OR56A3: variants seen among roughly 807,000 people sequenced by gnomAD.
OR56A3 encodes olfactory receptor family 56 subfamily A member 3.
In OR56A3, 23 loss-of-function variants were observed where a neutral mutation model predicts 17.5. The ratio of observed to expected loss-of-function variants is 1.32; its 90% CI spans 0.95 to 1.87. The LOEUF (loss-of-function observed/expected upper bound fraction) is 1.87, where lower values mean the gene tolerates loss of function less well. Among genes scored for constraint, OR56A3 ranks in the 40% most tolerant of loss-of-function variants. The pLI is 0.00. For synonymous variants in OR56A3, 175 were observed against 150.6 expected (o/e 1.16, Z -1.19); for missense variants, 366 against 380.1 (o/e 0.96, Z 0.31).
downstream of OR56A3, among the ~76,000 whole-genome samples, chr11:5,955,624 C>T (rs1472893128): frequency 6.6e-6 from 1 of 152,138 alleles, no homozygotes; most frequent in African/African-American, 2.4e-5. Context: ...CATTGGCATG[C>T]TTCTGGGGGG....
the OR56A3 span, among the ~76,000 whole-genome samples, chr11:6,014,336 G>C: frequency 6.6e-6 from 1 of 152,192 alleles, no homozygotes; most frequent in African/African-American, 2.4e-5. Context: ...TGACTCACGG[G>C]GGTGCTTTCC....
At chr11:5,992,781 G>C in the OR56A3 span, among the ~76,000 whole-genome samples, 3 of 152,096 alleles carry the variant, frequency 2.0e-5, no homozygotes, top group Non-Finnish European at 4.4e-5. Flanking sequence ...CTGTTACCCA[G>C]TAACAAGCTT....
the OR56A3 span, among the ~76,000 whole-genome samples, chr11:5,963,442 G>A: frequency 1.5e-4 from 23 of 151,894 alleles, no homozygotes; most frequent in Admixed American, 1.3e-3. Context: ...GCTTTGCTAG[G>A]TATAGTATTC....
In OR56A3 at chr11:5,947,553, C is replaced by T. The variant is rs1443049971; in HGVS notation, c.207C>T (p.Leu69=). Residue 69 remains leucine, a synonymous_variant, in exon 3 of 3, where the codon CTC becomes CTT. Coordinates refer to ENST00000641160, the MANE Select transcript of OR56A3 (RefSeq NM_001003443.3). ...LHQPLYYLLS[L]LSLLDIVLCL... ...AGCCCCTGTACTACCTGCTCAGCCT[C>T]CTCTCCCTGCTGGACATCGTGCTCT... 5 of 1,614,176 alleles carry T rather than the reference C, an allele frequency of 3.1e-6. No individual in the cohort carries two copies. Among genetic ancestry groups the T allele is most frequent in the Non-Finnish European group, 4.2e-6 (5 of 1,180,038 alleles).
rs762871215 is a variant in OR56A3 at position 5,948,069 on chromosome 11, C to T, written c.723C>T (p.Ala241=). The T allele has an allele frequency of 2.5e-6, 4 of 1,614,190 alleles. No homozygotes were observed. The highest frequency in any genetic ancestry group is 1.6e-4 in the Middle Eastern group (1 of 6,062). ...AGGCAGAGGGTGCCGTGGCAAAGGC[C>T]CTAAGCACATGTGGCTCCCACTTCA... ...RLKAEGAVAK[A]LSTCGSHFML... Residue 241 remains alanine (A), a synonymous_variant, in exon 3 of 3, where the codon GCC becomes GCT. Coordinates refer to ENST00000641160, the MANE Select transcript of OR56A3 (RefSeq NM_001003443.3).
chr11:6,016,335 T>C, the OR56A3 span, among the ~76,000 whole-genome samples: 3 of 152,168 alleles, frequency 2.0e-5, no homozygotes, highest in African/African-American at 7.2e-5. Flanking sequence ...AATGTCTTTT[T>C]TAAATAAATT....
the OR56A3 span, chr11:5,968,426 G>A: frequency 1.3e-6 from 2 of 1,598,892 alleles, no homozygotes; most frequent in East Asian, 4.5e-5. Context: ...GCCAGCTCTG[G>A]AAACTGGGGA....
downstream of OR56A3, among the ~76,000 whole-genome samples, chr11:5,953,040 T>C (rs1378149798): frequency 6.6e-6 from 1 of 152,228 alleles, no homozygotes; most frequent in Non-Finnish European, 1.5e-5. Context: ...ACATTGTCTT[T>C]ATCCAGTCCA....
chr11:6,017,812 C>A, the OR56A3 span, among the ~76,000 whole-genome samples: 1 of 152,108 alleles, frequency 6.6e-6, no homozygotes, highest in Non-Finnish European at 1.5e-5. Context: ...GGGCTTCCTA[C>A]AAGAAACTCA....
At chr11:5,974,201 G>A in the OR56A3 span, among the ~76,000 whole-genome samples, 1 of 151,742 alleles carries the variant, frequency 6.6e-6, no homozygotes, top group South Asian at 2.1e-4. Flanking sequence ...CCACCTCCTG[G>A]TTTCAAGCAA....
At chr11:5,967,950 C>T in the OR56A3 span, 3,174 of 1,594,936 alleles carry the variant, frequency 2.0e-3, 28 homozygotes, top group Non-Finnish European at 1.1e-3. Context: ...CACGTTAGTA[C>T]AGATGCAGTT....
chr11:5,987,263 T>C, the OR56A3 span, among the ~76,000 whole-genome samples: 1 of 152,210 alleles, frequency 6.6e-6, no homozygotes, highest in Non-Finnish European at 1.5e-5. Context: ...AATCAATCTG[T>C]TGTTTTTGAA....
the OR56A3 span, among the ~76,000 whole-genome samples, chr11:6,011,931 C>T: frequency 3.0e-4 from 45 of 152,150 alleles, no homozygotes; most frequent in Non-Finnish European, 6.3e-4. Flanking sequence ...GCAGCTTCCC[C>T]GGCTGGCACC....
chr11:5,970,045 A>G, the OR56A3 span, among the ~76,000 whole-genome samples: 1 of 152,352 alleles, frequency 6.6e-6, no homozygotes, highest in Non-Finnish European at 1.5e-5. Flanking sequence ...AAAAGATTTG[A>G]TATATGTTGT....
chr11:6,013,619 C>A, the OR56A3 span, among the ~76,000 whole-genome samples: 50 of 152,292 alleles, frequency 3.3e-4, no homozygotes, highest in Non-Finnish European at 6.8e-4. Context: ...TAGGGATCAA[C>A]CCACTCTGTC....
At chr11:5,988,945 A>G in the OR56A3 span, among the ~76,000 whole-genome samples, 2 of 152,272 alleles carry the variant, frequency 1.3e-5, no homozygotes, top group Non-Finnish European at 2.9e-5. Context: ...TTAAAAAGTC[A>G]AGAATGACTT....
chr11:6,013,604 G>A, the OR56A3 span, among the ~76,000 whole-genome samples: 5 of 152,158 alleles, frequency 3.3e-5, no homozygotes, highest in Admixed American at 6.5e-5. Context: ...TGCAGTCCAG[G>A]AACCTAGGGA....
At chr11:5,956,093 C>A (rs1195264597), downstream of OR56A3, among the ~76,000 whole-genome samples, 1 of 152,160 alleles carries the variant, frequency 6.6e-6, no homozygotes, top group African/African-American at 2.4e-5. Context: ...TGCAGTAATT[C>A]TCGATCATAG....
At chr11:5,961,293 G>T in the OR56A3 span, among the ~76,000 whole-genome samples, 1 of 152,234 alleles carries the variant, frequency 6.6e-6, no homozygotes, top group Non-Finnish European at 1.5e-5. Flanking sequence ...TGACAATGGC[G>T]GTTTTGTCCA....
Sources: gnomAD v4.1 joint callset for allele counts (sites outside exome capture counted in the v4.1 genomes callset) on GRCh38, gnomAD v4.1.1 for gene constraint, MANE v1.5 for transcripts, NCBI Gene and HGNC (gene_info 2026-07-23, HGNC 2026-07-21) for gene names.